Variants in MYT1L observed in about 807,000 individuals in gnomAD.
The protein encoded by MYT1L is myelin transcription factor 1-like protein.
Under a neutral mutation model 126.7 loss-of-function variants are expected in MYT1L, and 12 were observed. The ratio of observed to expected loss-of-function variants is 0.09; its 90% CI spans 0.06 to 0.15. MYT1L has a LOEUF of 0.15. Ranked by LOEUF, MYT1L falls within the 10% of genes least tolerant of loss-of-function variation. The pLI is 1.00. For missense variants in MYT1L, 979 were observed against 1,585.2 expected (o/e 0.62, Z 6.49); for synonymous variants, 541 against 604.2 (o/e 0.90, Z 1.53).
intron 4 of MYT1L, among the ~76,000 whole-genome samples, chr2:2,021,225 A>G (rs2065002398): frequency 6.6e-6 from 1 of 152,200 alleles, no homozygotes; most frequent in Non-Finnish European, 1.5e-5. Context: ...GTGCACAGGT[A>G]CAGGAGAAAG....
chr2:1,814,660 C>T (rs999982339), intron 21 of MYT1L, among the ~76,000 whole-genome samples: 2 of 152,184 alleles, frequency 1.3e-5, no homozygotes, highest in Non-Finnish European at 2.9e-5. Context: ...GCCTCTTTCT[C>T]TTTTATGGGT....
At chr2:2,261,589 A>T (rs887660137) in intron 2 of MYT1L, among the ~76,000 whole-genome samples, 3 of 152,236 alleles carry the variant, frequency 2.0e-5, no homozygotes, top group African/African-American at 7.2e-5. Flanking sequence ...TTGGCTAATG[A>T]GGCAAATAGC....
chr2:2,064,742 T>A (rs1434986900), intron 3 of MYT1L, among the ~76,000 whole-genome samples: 3 of 152,356 alleles, frequency 2.0e-5, no homozygotes, highest in African/African-American at 7.2e-5. Flanking sequence ...AGACAGATAT[T>A]TCTATTTTAG....
intron 1 of MYT1L, among the ~76,000 whole-genome samples, chr2:2,286,344 A>T (rs1267604870): frequency 6.6e-6 from 1 of 152,192 alleles, no homozygotes; most frequent in Non-Finnish European, 1.5e-5. Flanking sequence ...TCACACACAG[A>T]AACTTTCTCT....
rs2040642443 is a variant in MYT1L, at chr2:1,834,874, TCCACATACCA to T, written c.3080+4265_3080+4274del. 2.0e-5 allele frequency among the ~76,000 whole-genome samples: 3 copies of T among 149,776 alleles called. 1 individual carries two copies. Among genetic ancestry groups the T allele is most frequent in the African/African-American group, 7.5e-5 (3 of 40,224 alleles). On this transcript the variant is annotated intron_variant, in intron 21 of 24. Transcript: ENST00000647738. ...CCACGGAGATGGATACAGGTACTCC[TCCACATACCA>T]TGGGGATGGATACAGGTACTTCTCC...
intron 4 of MYT1L, among the ~76,000 whole-genome samples, chr2:2,021,931 T>C (rs2065078212): frequency 6.6e-6 from 1 of 151,992 alleles, no homozygotes; most frequent in Admixed American, 6.6e-5. Flanking sequence ...TTTACTGAGA[T>C]GCCACTGTGA....
chr2:2,190,913 G>A (rs1254231154), intron 2 of MYT1L, among the ~76,000 whole-genome samples: 9 of 152,160 alleles, frequency 5.9e-5, no homozygotes, highest in Non-Finnish European at 1.0e-4. Flanking sequence ...AGCCTCCCAA[G>A]TAGGTGGGAT....
At chr2:1,825,133 A>C (rs2039121549) in intron 21 of MYT1L, 1 of 152,236 alleles carries the variant, frequency 6.6e-6, no homozygotes, top group Non-Finnish European at 1.5e-5. Flanking sequence ...GAGACCTCAG[A>C]CACGCCACTC....
chr2:1,967,485 T>C (rs2059458315), intron 8 of MYT1L, among the ~76,000 whole-genome samples: 1 of 152,232 alleles, frequency 6.6e-6, no homozygotes, highest in African/African-American at 2.4e-5. Flanking sequence ...GGAATCTCCT[T>C]TGCTGCGCCT....
rs200951880 is a variant in MYT1L at position 2,122,837 on chromosome 2, A to ATGTGTG, written c.-304+50029_-304+50034dup. ...TGTGGAACTGGGAGGGAGGATAGGA[A>ATGTGTG]TGTGTGTGTGTGTGTGTGTGTGTGT... On this transcript the variant is annotated intron_variant, in intron 3 of 24. Transcript: ENST00000647738. Among the ~76,000 whole-genome samples, 530 of 135,576 alleles carry ATGTGTG rather than the reference A, an allele frequency of 3.9e-3. 5 individuals carry two copies. Among genetic ancestry groups the ATGTGTG allele is most frequent in the Middle Eastern group, 0.026 (7 of 272 alleles). 88.9% of individuals were successfully genotyped at this position (135,576 alleles called of 152,430 possible). A position where few individuals can be genotyped will look rare whatever the true frequency, so the allele number is the denominator to read the frequency against.
chr2:2,215,668 T>C, intron 2 of MYT1L, among the ~76,000 whole-genome samples: 1 of 152,176 alleles, frequency 6.6e-6, no homozygotes, highest in Non-Finnish European at 1.5e-5. Context: ...TTGAACACTA[T>C]CAACCAACTA....
chr2:2,106,876 C>T (rs1253200566), intron 3 of MYT1L, among the ~76,000 whole-genome samples: 1 of 152,182 alleles, frequency 6.6e-6, no homozygotes, highest in Non-Finnish European at 1.5e-5. Flanking sequence ...ATCCAGTGTC[C>T]AGGGCTGTCT....
intron 3 of MYT1L, among the ~76,000 whole-genome samples, chr2:2,109,274 C>G (rs2079097455): frequency 6.6e-6 from 1 of 152,148 alleles, no homozygotes; most frequent in Non-Finnish European, 1.5e-5. Context: ...GCAGTGTGTC[C>G]CAGGAGTAGC....
intron 9 of MYT1L, among the ~76,000 whole-genome samples, chr2:1,933,541 A>G (rs2055317157): frequency 6.6e-6 from 1 of 152,222 alleles, no homozygotes; most frequent in Non-Finnish European, 1.5e-5. Context: ...CAGTGGCTTA[A>G]TGTGTAAGGG....
chr2:2,295,573 G>GAT (rs796422321), intron 1 of MYT1L, among the ~76,000 whole-genome samples: 1 of 142,286 alleles, frequency 7.0e-6, no homozygotes, highest in African/African-American at 2.6e-5. Context: ...GACAGAGAGA[G>GAT]AGAGAGAGAG....
chr2:1,951,748 A>G (rs2057771195), intron 8 of MYT1L, among the ~76,000 whole-genome samples: 1 of 152,200 alleles, frequency 6.6e-6, no homozygotes, highest in African/African-American at 2.4e-5. Flanking sequence ...TGAAACACCC[A>G]ACGACTAGCA....
chr2:2,047,331 C>T (rs2068309013), intron 4 of MYT1L, among the ~76,000 whole-genome samples: 1 of 152,136 alleles, frequency 6.6e-6, no homozygotes, highest in Non-Finnish European at 1.5e-5. Context: ...ATGAAAGATA[C>T]CTATGATATT....
chr2:1,834,237 C>T (rs368962285), intron 21 of MYT1L, among the ~76,000 whole-genome samples: 13 of 152,128 alleles, frequency 8.5e-5, no homozygotes, highest in Admixed American at 5.2e-4. Flanking sequence ...GACGTGCCCG[C>T]GGGGGCTTTG....
intron 21 of MYT1L, among the ~76,000 whole-genome samples, chr2:1,829,702 AATTG>A (rs1163534692): frequency 2.1e-4 from 25 of 120,896 alleles, no homozygotes; most frequent in Admixed American, 2.3e-4. Flanking sequence ...TACACCTGTG[AATTG>A]ACCCTCCCAT....
Sources: allele counts gnomAD v4.1 joint callset (sites outside exome capture counted in the v4.1 genomes callset), GRCh38; gene constraint gnomAD v4.1.1; transcripts MANE v1.5; gene names NCBI Gene and HGNC (gene_info 2026-07-23, HGNC 2026-07-21).